The following CADPS variants were observed in gnomAD, a reference collection of about 807,000 sequenced individuals.
CADPS encodes the protein calcium dependent secretion activator.
A neutral mutation model predicts 167.3 loss-of-function variants in CADPS; 57 were observed. The observed-to-expected ratio is 0.34, with a 90% CI of 0.28 to 0.42. The LOEUF is 0.42. Among genes scored for constraint, CADPS ranks in the 20% least tolerant of loss-of-function variants. CADPS has a pLI of 1.00. For missense variants in CADPS, 1,414 were observed against 1,738.1 expected (o/e 0.81, Z 3.32); for synonymous variants, 676 against 635.3 (o/e 1.06, Z -0.96).
chr3:62,550,228 G>T (rs550080443), intron 10 of CADPS, 113 bp from the exon 11 acceptor site: 21 of 746,474 alleles, frequency 2.8e-5, no homozygotes, highest in East Asian at 1.8e-4. Flanking sequence ...GAAGAGGGGG[G>T]TAGTGATTAA....
At chr3:62,431,419 T>C (rs887627959) in intron 28 of CADPS, among the ~76,000 whole-genome samples, 4 of 152,068 alleles carry the variant, frequency 2.6e-5, no homozygotes, top group Non-Finnish European at 5.9e-5. Context: ...TTTTTTAAAC[T>C]AGCTTCAGAA....
At chr3:62,714,117 C>T (rs1580976174) in intron 3 of CADPS, among the ~76,000 whole-genome samples, 1 of 152,040 alleles carries the variant, frequency 6.6e-6, no homozygotes. Flanking sequence ...CTGTTCAATA[C>T]CAAGAAACTC....
At chr3:62,485,832 T>C (rs776273530) in intron 21 of CADPS, among the ~76,000 whole-genome samples, 5 of 152,280 alleles carry the variant, frequency 3.3e-5, no homozygotes, top group South Asian at 4.1e-4. Context: ...AATGTTAGCA[T>C]TGGAAAAGCT....
At chr3:62,870,642 C>T (rs1384265497) in intron 1 of CADPS, among the ~76,000 whole-genome samples, 1 of 152,040 alleles carries the variant, frequency 6.6e-6, no homozygotes, top group Non-Finnish European at 1.5e-5. Context: ...TAAGGATTAC[C>T]CTTTTCCCCC....
intron 1 of CADPS, among the ~76,000 whole-genome samples, chr3:62,833,224 A>G (rs6772016): frequency 0.53 from 80,465 of 151,858 alleles, 22,457 homozygotes; most frequent in Non-Finnish European, 0.62. Flanking sequence ...GCATGATCAT[A>G]GCTTACTGCA....
intron 1 of CADPS, among the ~76,000 whole-genome samples, chr3:62,819,844 C>G (rs1282617346): frequency 6.6e-6 from 1 of 152,178 alleles, no homozygotes; most frequent in Non-Finnish European, 1.5e-5. Context: ...GAGAGGAAAA[C>G]TGGAAGCTTG....
intron 1 of CADPS, among the ~76,000 whole-genome samples, chr3:62,842,604 T>G (rs1471740741): frequency 5.3e-5 from 8 of 152,340 alleles, no homozygotes. Flanking sequence ...ATAGGCACAT[T>G]GCCTTGATCA....
rs911115265 is a variant in CADPS at position 62,601,964 on chromosome 3, C to T, written c.1326-9216G>A. On this transcript the variant is annotated intron_variant, in intron 6 of 29. Transcript: ENST00000383710. This position sits in a 1 kb window ranked among gnomAD's most constrained non-coding sequence, Gnocchi z 4.3. ...TGGGGAGCATCTGCTTGATCACAGTCGCATCTCTGTTTACTATTTAAAGCC... is the reference window on the plus strand; with the variant it reads ...TGGGGAGCATCTGCTTGATCACAGTTGCATCTCTGTTTACTATTTAAAGCC... Among the ~76,000 whole-genome samples, 2 of 152,094 alleles carry T rather than the reference C, an allele frequency of 1.3e-5. No individual in the cohort carries two copies. The highest frequency in any genetic ancestry group is 2.1e-4 in the South Asian group (1 of 4,810).
intron 1 of CADPS, among the ~76,000 whole-genome samples, chr3:62,834,062 C>A (rs530447330): frequency 5.3e-5 from 8 of 152,196 alleles, no homozygotes; most frequent in African/African-American, 1.9e-4. Flanking sequence ...AGTTCTCTGT[C>A]ATGGGTCTTT....
chr3:62,662,316 T>C lies in CADPS; in HGVS notation c.967A>G (p.Arg323Gly). 2 of 1,613,558 alleles carry C rather than the reference T, an allele frequency of 1.2e-6. No individual in the cohort carries two copies. Among genetic ancestry groups the C allele is most frequent in the Non-Finnish European group, 1.7e-6 (2 of 1,179,504 alleles). Reference protein sequence around the residue: ...GRLQMADQIARERKFPKFVSK... With the variant: ...GRLQMADQIAGERKFPKFVSK... ...AAACAACCACAATGTTTCCTTACCCTGGCTATTTGGTCTGCCATTTGTAGA... is the reference window on the plus strand; with the variant it reads ...AAACAACCACAATGTTTCCTTACCCCGGCTATTTGGTCTGCCATTTGTAGA... Residue 323 changes from arginine to glycine, a missense_variant and splice_region_variant, in exon 4 of 30, where the codon AGG becomes GGG. By Grantham distance (125) the Arg-to-Gly change is moderately radical. Around this residue, in one of 6 missense-constraint regions of CADPS, gnomAD observed 522 missense variants for 559.5 expected, o/e 0.93. Transcript: ENST00000383710.
chr3:62,792,788 G>T (rs1401160783), intron 1 of CADPS, among the ~76,000 whole-genome samples: 1 of 151,606 alleles, frequency 6.6e-6, no homozygotes, highest in Non-Finnish European at 1.5e-5. Flanking sequence ...TGTAGGGACA[G>T]GGTCTCACTA....
chr3:62,818,817 T>G lies in CADPS; in HGVS notation c.442-52833A>C, dbSNP rs187790570. Among the ~76,000 whole-genome samples, 318 of 152,306 alleles carry G rather than the reference T, an allele frequency of 2.1e-3. 3 individuals are homozygous for G. Among genetic ancestry groups the G allele is most frequent in the East Asian group, 1.7e-3 (9 of 5,178 alleles). ...GAGAATAGATACGTAAATTGTGTTA[T>G]AGCCAAACAATGTAAAAGTACCCAG... On this transcript the variant is annotated intron_variant, in intron 1 of 29. Coordinates refer to ENST00000383710, the MANE Select transcript of CADPS (RefSeq NM_003716.4).
chr3:62,767,288 A>T (rs2087137792), intron 1 of CADPS, among the ~76,000 whole-genome samples: 1 of 152,122 alleles, frequency 6.6e-6, no homozygotes, highest in African/African-American at 2.4e-5. Context: ...CATCTGGAAA[A>T]AGCGACTTAT....
rs1289731528 is a variant in CADPS at position 62,563,479 on chromosome 3, A to G, written c.1645-5966T>C. 2.0e-5 allele frequency among the ~76,000 whole-genome samples: 3 copies of G among 151,858 alleles called. 1 individual carries two copies. Among genetic ancestry groups the G allele is most frequent in the Middle Eastern group, 6.3e-3 (2 of 316 alleles). On this transcript the variant is annotated intron_variant, in intron 9 of 29. Transcript: ENST00000383710. ...GTTGGGAATCAGAAACAGAGGAGCC[A>G]TGTTGGTTCTATCTGAGTAATTCAG...
chr3:62,466,237 A>G, intron 25 of CADPS, 102 bp downstream of exon 25: 1 of 752,808 alleles, frequency 1.3e-6, no homozygotes, highest in Non-Finnish European at 2.3e-6. Flanking sequence ...TGAGAGACAC[A>G]AGTATCCAGC....
At chr3:62,852,099 T>C (rs1228997999) in intron 1 of CADPS, among the ~76,000 whole-genome samples, 7 of 148,106 alleles carry the variant, frequency 4.7e-5, no homozygotes. Flanking sequence ...CTTCACGTAG[T>C]TCTCGAGCCT....
intron 23 of CADPS, among the ~76,000 whole-genome samples, chr3:62,475,303 T>C (rs1039686434): frequency 5.3e-5 from 8 of 152,152 alleles, no homozygotes; most frequent in African/African-American, 1.9e-4. Context: ...GTGGGTGATA[T>C]CATCAAATGT....
At chr3:62,488,776 A>C (rs1241821464) in intron 21 of CADPS, among the ~76,000 whole-genome samples, 1 of 152,082 alleles carries the variant, frequency 6.6e-6, no homozygotes, top group African/African-American at 2.4e-5. Context: ...AAGTGTGAAC[A>C]ACCACACCCA....
intron 21 of CADPS, among the ~76,000 whole-genome samples, chr3:62,489,725 G>T (rs1375680287): frequency 6.6e-6 from 1 of 152,156 alleles, no homozygotes; most frequent in South Asian, 2.1e-4. Context: ...TTAAGTGCAA[G>T]TAAGTAAATG....
Sources: allele counts gnomAD v4.1 joint callset (sites outside exome capture counted in the v4.1 genomes callset), GRCh38; gene constraint gnomAD v4.1.1; regional missense constraint gnomAD v4.1.1; non-coding constraint Gnocchi (gnomAD v3.1); transcripts MANE v1.5; gene names NCBI Gene and HGNC (gene_info 2026-07-23, HGNC 2026-07-21).